Variants in MAML2 observed in about 807,000 individuals in gnomAD.
MAML2 encodes the protein mastermind like transcriptional coactivator 2.
In MAML2, 22 loss-of-function variants were observed where a neutral mutation model predicts 96.1. The ratio of observed to expected loss-of-function variants is 0.23; its 90% CI spans 0.16 to 0.33. The LOEUF (loss-of-function observed/expected upper bound fraction) is 0.33, where lower values mean the gene tolerates loss of function less well. Ranked by LOEUF, MAML2 falls within the 10% of genes least tolerant of loss-of-function variation. The pLI, the probability that MAML2 is intolerant of heterozygous loss-of-function variation, is 1.00. For synonymous variants in MAML2, 561 were observed against 521.3 expected (o/e 1.08, Z -1.04); for missense variants, 1,367 against 1,392.4 (o/e 0.98, Z 0.29).
intron 1 of MAML2, among the ~76,000 whole-genome samples, chr11:96,323,497 C>A (rs117348068): frequency 1.4e-4 from 17 of 122,178 alleles, no homozygotes; most frequent in African/African-American, 3.6e-4. Flanking sequence ...AAAAAAAAAA[C>A]CCATCTGCAT....
chr11:96,209,005 A>G (rs1003858523), intron 1 of MAML2, among the ~76,000 whole-genome samples: 1 of 152,148 alleles, frequency 6.6e-6, no homozygotes, highest in Non-Finnish European at 1.5e-5. Context: ...CTGCATCAGA[A>G]TCATCAAAGT....
chr11:96,167,769 G>C (rs1033504532), intron 1 of MAML2, among the ~76,000 whole-genome samples: 2 of 152,098 alleles, frequency 1.3e-5, no homozygotes, highest in Admixed American at 1.3e-4. Flanking sequence ...CCTAATATTT[G>C]TAAAATACTG....
chr11:96,199,223 GA>G (rs1861779441), intron 1 of MAML2, among the ~76,000 whole-genome samples: 1 of 130,832 alleles, frequency 7.6e-6, no homozygotes, highest in African/African-American at 3.0e-5. Context: ...AAAAAAAAAA[GA>G]GAGGGGTAGT....
intron 1 of MAML2, among the ~76,000 whole-genome samples, chr11:96,332,263 C>T (rs905493931): frequency 6.6e-6 from 1 of 152,168 alleles, no homozygotes; most frequent in Non-Finnish European, 1.5e-5. Context: ...CTAAGCAGAT[C>T]GGAGAGGTGA....
chr11:96,342,932 T>C lies in MAML2; in HGVS notation c.-1037A>G, dbSNP rs1199668759. On this transcript the variant is annotated 5_prime_UTR_variant, in exon 1 of 5. The change abolishes the stop of an existing upstream ORF in the 5' untranslated region. Transcript: ENST00000524717. ...CAAACTTCCAGCAAATTGCACCGAG[T>C]CATGTCCAGCCACTTTTCTGTCCAC... 1 of 380,166 alleles carries C rather than the reference T, an allele frequency of 2.6e-6. No homozygotes were observed. The highest frequency in any genetic ancestry group is 4.7e-6 in the Non-Finnish European group (1 of 214,994). 23.5% of individuals were successfully genotyped at this position (380,166 alleles called of 1,614,324 possible).
intron 2 of MAML2, among the ~76,000 whole-genome samples, chr11:96,006,840 G>A (rs1412605992): frequency 6.6e-6 from 1 of 150,536 alleles, no homozygotes; most frequent in African/African-American, 2.4e-5. Context: ...GATTACAGGC[G>A]TGAGCCACCA....
chr11:96,308,607 G>A (rs568924322), intron 1 of MAML2, among the ~76,000 whole-genome samples: 1 of 152,086 alleles, frequency 6.6e-6, no homozygotes, highest in Admixed American at 6.6e-5. Context: ...TAAACAAATG[G>A]TACTTTGCAT....
chr11:96,281,975 C>T (rs116457332), intron 1 of MAML2, among the ~76,000 whole-genome samples: 5 of 152,072 alleles, frequency 3.3e-5, no homozygotes, highest in Non-Finnish European at 7.4e-5. Flanking sequence ...GTAGGCCAGG[C>T]GCGGTGGCTC....
chr11:96,150,660 C>A (rs1860904878), intron 1 of MAML2, among the ~76,000 whole-genome samples: 1 of 152,098 alleles, frequency 6.6e-6, no homozygotes, highest in Non-Finnish European at 1.5e-5. Flanking sequence ...TAATGAGCGA[C>A]CCATTCCCCC....
At chr11:96,118,575 A>G (rs1451765675) in intron 1 of MAML2, among the ~76,000 whole-genome samples, 3 of 152,302 alleles carry the variant, frequency 2.0e-5, no homozygotes, top group African/African-American at 7.2e-5. Flanking sequence ...GTGAAAATGG[A>G]CTAACACACT....
chr11:96,314,296 A>G (rs1863597445), intron 1 of MAML2, among the ~76,000 whole-genome samples: 2 of 152,080 alleles, frequency 1.3e-5, no homozygotes. Context: ...CTGTTTATAA[A>G]CCTGTGGCCT....
chr11:96,336,185 A>T (rs1396461206), intron 1 of MAML2, among the ~76,000 whole-genome samples: 1 of 152,184 alleles, frequency 6.6e-6, no homozygotes, highest in African/African-American at 2.4e-5. Context: ...TATAAAATCT[A>T]TGCATTAAAT....
At chr11:96,240,475 C>T (rs896171010) in intron 1 of MAML2, among the ~76,000 whole-genome samples, 20 of 138,272 alleles carry the variant, frequency 1.4e-4, no homozygotes, top group Admixed American at 8.8e-4. Context: ...GCGTGAACCC[C>T]GGGAGGCAGA....
intron 1 of MAML2, among the ~76,000 whole-genome samples, chr11:96,122,529 TGCAC>T (rs1412291935): frequency 5.6e-5 from 8 of 142,300 alleles, no homozygotes; most frequent in East Asian, 2.1e-4. Context: ...TGTGTGTGTG[TGCAC>T]GTGCACGTGC....
chr11:96,073,276 T>TA (rs1859375844), intron 2 of MAML2, among the ~76,000 whole-genome samples: 1 of 151,922 alleles, frequency 6.6e-6, no homozygotes, highest in African/African-American at 2.4e-5. Flanking sequence ...CTCCTCCATT[T>TA]AAAAAAATTA....
chr11:96,215,880 C>G (rs182491491), intron 1 of MAML2, among the ~76,000 whole-genome samples: 1 of 152,066 alleles, frequency 6.6e-6, no homozygotes, highest in African/African-American at 2.4e-5. Flanking sequence ...ATTGGAACAA[C>G]AAAGGCAATG....
chr11:96,324,630 T>C (rs1362052946), intron 1 of MAML2, among the ~76,000 whole-genome samples: 7 of 152,188 alleles, frequency 4.6e-5, no homozygotes, highest in Admixed American at 4.6e-4. Flanking sequence ...TCCCACCGAT[T>C]ATGAGTCCCC....
intron 1 of MAML2, among the ~76,000 whole-genome samples, chr11:96,191,082 G>T (rs1233832838): frequency 6.6e-6 from 1 of 152,168 alleles, no homozygotes; most frequent in African/African-American, 2.4e-5. Flanking sequence ...GGCTATAGAT[G>T]CAGAAAGAGT....
chr11:96,038,797 C>T (rs1378335294), intron 2 of MAML2, among the ~76,000 whole-genome samples: 1 of 152,186 alleles, frequency 6.6e-6, no homozygotes, highest in African/African-American at 2.4e-5. Flanking sequence ...TTATGTATTT[C>T]CTTATATACT....
Sources: gnomAD v4.1 joint callset for allele counts (sites outside exome capture counted in the v4.1 genomes callset) on GRCh38, gnomAD v4.1.1 for gene constraint, MANE v1.5 for transcripts, NCBI Gene and HGNC (gene_info 2026-07-23, HGNC 2026-07-21) for gene names.